The following NPAP1 variants were observed in gnomAD, a reference collection of about 807,000 sequenced individuals.
NPAP1 encodes the protein nuclear pore-associated protein 1.
For synonymous variants in NPAP1, 616 were observed against 581.4 expected, an observed-to-expected ratio of 1.06 and a Z score of -0.86; for missense variants, 1,483 against 1,454.5, an observed-to-expected ratio of 1.02 and a Z score of -0.32.
chr15:24,677,917 A>C lies in NPAP1; in HGVS notation c.2050A>C (p.Ser684Arg). The change falls in exon 1 of 1, where the codon AGT (serine) becomes CGT (arginine). Residue 684 changes from serine to arginine, a missense_variant. By Grantham distance (110) the Ser-to-Arg change is moderately radical. Coordinates refer to ENST00000329468, the MANE Select transcript of NPAP1 (RefSeq NM_018958.3). ...TCCAGACACCTCCACTTTAGTGAAC[A>C]GTGCCTCTACAGCATCATCATCCAA... ...PPPDTSTLVN[S>R]ASTASSSKPP... The C allele has an allele frequency of 6.2e-7, 1 of 1,613,364 alleles. No individual in the cohort carries two copies. The highest frequency in any genetic ancestry group is 8.5e-7 in the Non-Finnish European group (1 of 1,179,890).
Position 24,677,951 on chromosome 15 carries a change from T to A in NPAP1, c.2084T>A (p.Ile695Asn), listed in dbSNP as rs750616717. ...ACAGCATCATCATCCAAACCTCCCA[T>A]TGAAACCAATGCTATGCATACCACT... Reference protein sequence around the residue: ...ASTASSSKPPIETNAMHTTPP... With the variant: ...ASTASSSKPPNETNAMHTTPP... Residue 695 changes from isoleucine to asparagine, a missense_variant, in exon 1 of 1, where the codon ATT becomes AAT. Transcript: ENST00000329468. The A allele has an allele frequency of 6.2e-7, 1 of 1,613,478 alleles. No individual in the cohort carries two copies. Among genetic ancestry groups the A allele is most frequent in the South Asian group, 1.1e-5 (1 of 91,034 alleles).
rs746621095 is a variant in NPAP1, at chr15:24,675,898, G to C, written c.31G>C (p.Gly11Arg). The change falls in exon 1 of 1, where the codon GGG becomes CGG. Residue 11 changes from glycine to arginine, a missense_variant. Physicochemically the swap from Gly to Arg is moderately radical, Grantham distance 125 (BLOSUM62 -2). Coordinates refer to ENST00000329468, the MANE Select transcript of NPAP1 (RefSeq NM_018958.3). ...CAATTTACTTAGTAAATTTAGACCCGGGTGCCGCCGCCGGCCCCTGCCAGG... is the reference window on the plus strand; with the variant it reads ...CAATTTACTTAGTAAATTTAGACCCCGGTGCCGCCGCCGGCCCCTGCCAGG... Reference protein sequence around the residue: MGNLLSKFRPGCRRRPLPGPG... With the variant: MGNLLSKFRPRCRRRPLPGPG... 5.7e-6 allele frequency: 9 copies of C among 1,577,380 alleles called. No homozygotes were observed. Among genetic ancestry groups the C allele is most frequent in the Non-Finnish European group, 7.7e-6 (9 of 1,165,330 alleles).
rs547726384 is a variant in NPAP1 at position 24,676,181 on chromosome 15, C to G, written c.314C>G (p.Pro105Arg). 1.3e-6 allele frequency: 2 copies of G among 1,571,972 alleles called. No individual in the cohort carries two copies. Among genetic ancestry groups the G allele is most frequent in the South Asian group, 2.4e-5 (2 of 83,918 alleles). Reference sequence around the variant, plus strand: ...ACACCCATGCTGCCTGCTCGGAACCCCCCGAGGTTTGGACACCCCAGTTCC... The same window carrying G: ...ACACCCATGCTGCCTGCTCGGAACCGCCCGAGGTTTGGACACCCCAGTTCC... ...RKTPMLPARN[P>R]PRFGHPSSVR... is the part of the protein sequence containing the mutation. The change falls in exon 1 of 1, where the codon CCC (proline) becomes CGC (arginine). Residue 105 changes from proline to arginine, a missense_variant. Coordinates refer to ENST00000329468, the MANE Select transcript of NPAP1 (RefSeq NM_018958.3).
In NPAP1 at chr15:24,676,120, C is replaced by A. The variant is rs2141307309; in HGVS notation, c.253C>A (p.Leu85Met). The part of the protein sequence containing the change: ...PRAAAAPLGV[L>M]PAVGWGLAIR... Reference sequence around the variant, plus strand: ...GGCTGCGGCCGCCCCTCTGGGGGTCCTGCCGGCTGTGGGTTGGGGGCTGGC... The same window carrying A: ...GGCTGCGGCCGCCCCTCTGGGGGTCATGCCGGCTGTGGGTTGGGGGCTGGC... The change falls in exon 1 of 1, where the codon CTG (leucine) becomes ATG (methionine). Residue 85 changes from leucine (L) to methionine (M), a missense_variant. Transcript: ENST00000329468. The A allele has an allele frequency of 6.4e-7, 1 of 1,567,382 alleles. No individual in the cohort carries two copies.
the NPAP1 span, chr15:24,676,046 C>G: frequency 1.3e-6 from 2 of 1,591,124 alleles, no homozygotes; most frequent in Non-Finnish European, 1.7e-6. Context: ...CGCAGGCCTT[C>G]AGCAGCCAGC....
chr15:24,676,861 A>C lies in NPAP1; in HGVS notation c.994A>C (p.Ile332Leu), dbSNP rs2141308976. The change falls in exon 1 of 1, where the codon ATT becomes CTT. Residue 332 changes from isoleucine to leucine, a missense_variant. Ile to Leu is a conservative substitution (Grantham distance 5, BLOSUM62 2). Coordinates refer to ENST00000329468, the MANE Select transcript of NPAP1 (RefSeq NM_018958.3). ...RNRPCKRKMS[I>L]PLLLPLPPSL... is the part of the protein sequence containing the mutation. ...CAGGCCCTGCAAAAGGAAAATGTCGATTCCATTGCTGCTGCCGCTGCCCCC... is the reference window on the plus strand; with the variant it reads ...CAGGCCCTGCAAAAGGAAAATGTCGCTTCCATTGCTGCTGCCGCTGCCCCC... 1 of 1,613,252 alleles carries C rather than the reference A, an allele frequency of 6.2e-7. No homozygotes were observed. Among genetic ancestry groups the C allele is most frequent in the Non-Finnish European group, 8.5e-7 (1 of 1,180,006 alleles).
Position 24,677,754 on chromosome 15 carries a change from C to T in NPAP1, c.1887C>T (p.His629=), listed in dbSNP as rs774161776. Residue 629 remains histidine, a synonymous_variant, in exon 1 of 1, where the codon CAC becomes CAT. Coordinates refer to ENST00000329468, the MANE Select transcript of NPAP1 (RefSeq NM_018958.3). ...VYTSPLPFIF[H]NTTPSFNQLF... ...CATCCCCACTTCCATTTATATTCCA[C>T]AATACCACCCCAAGTTTTAACCAAC... 8 of 1,614,158 alleles carry T rather than the reference C, an allele frequency of 5.0e-6. No individual in the cohort carries two copies. The South Asian group carries it at 8.8e-5, about 18-fold the overall frequency.
Position 24,678,673 on chromosome 15 carries a change from C to G in NPAP1, c.2806C>G (p.Leu936Val), listed in dbSNP as rs1157880303. The change falls in exon 1 of 1, where the codon CTG (leucine) becomes GTG (valine). Residue 936 changes from leucine (L) to valine (V), a missense_variant. By Grantham distance (32) the Leu-to-Val change is conservative (BLOSUM62 1). Coordinates refer to ENST00000329468, the MANE Select transcript of NPAP1 (RefSeq NM_018958.3). ...IGLTSPSVQP[L>V]SGSIIPPGFA... ...CTTAACATCTCCTTCAGTCCAGCCACTGAGTGGCAGCATAATTCCACCAGG... is the reference window on the plus strand; with the variant it reads ...CTTAACATCTCCTTCAGTCCAGCCAGTGAGTGGCAGCATAATTCCACCAGG... The G allele has an allele frequency of 6.2e-7, 1 of 1,614,184 alleles. No homozygotes were observed. Among genetic ancestry groups the G allele is most frequent in the Non-Finnish European group, 8.5e-7 (1 of 1,180,042 alleles).
Position 24,677,721 on chromosome 15 carries a change from A to C in NPAP1, c.1854A>C (p.Ser618=). The C allele has an allele frequency of 6.2e-7, 1 of 1,614,176 alleles. No individual in the cohort carries two copies. Among genetic ancestry groups the C allele is most frequent in the South Asian group, 1.1e-5 (1 of 91,076 alleles). ...SAEQRHPGKT[S]VYTSPLPFIF... ...AGCAGAGGCACCCGGGAAAGACATCAGTCTACACATCCCCACTTCCATTTA... is the reference window on the plus strand; with the variant it reads ...AGCAGAGGCACCCGGGAAAGACATCCGTCTACACATCCCCACTTCCATTTA... Residue 618 remains serine (S), a synonymous_variant, in exon 1 of 1, where the codon TCA becomes TCC. Transcript: ENST00000329468.
At position 24,681,363 on chromosome 15, in the gene NPAP1, G is replaced by A. The variant is rs558716223; in HGVS notation, c.*2025G>A. The A allele has an allele frequency of 1.9e-5, 3 of 161,852 alleles. No individual in the cohort carries two copies. The highest frequency in any genetic ancestry group is 6.7e-5 in the Admixed American group (1 of 15,028). The allele number at this position is 161,852 out of a possible 1,614,324, so 10.0% of individuals were successfully genotyped here. A position where few individuals can be genotyped will look rare whatever the true frequency, so the allele number is the denominator to read the frequency against. ...GTTATATACATAGGGATGGATAGAC[G>A]GATGGATAGATTAGATGATAGATAG... On this transcript the variant is annotated 3_prime_UTR_variant, in exon 1 of 1. Coordinates refer to ENST00000329468, the MANE Select transcript of NPAP1 (RefSeq NM_018958.3).
rs2141312411 is a variant in NPAP1 at position 24,678,337 on chromosome 15, G to A, written c.2470G>A (p.Asp824Asn). Residue 824 changes from aspartate (D) to asparagine (N), a missense_variant, in exon 1 of 1, where the codon GAC becomes AAC. Transcript: ENST00000329468. ...SLSKPAIDTS[D>N]MNTTPPSKTV... is the part of the protein sequence containing the mutation. ...ATCCAAGCCTGCCATTGACACCAGT[G>A]ACATGAATACCACCCCTCCTTCCAA... 1.2e-6 allele frequency: 2 copies of A among 1,613,926 alleles called. No homozygotes were observed. The highest frequency in any genetic ancestry group is 1.7e-6 in the Non-Finnish European group (2 of 1,180,014).
Position 24,675,974 on chromosome 15 carries a change from G to T in NPAP1, c.107G>T (p.Gly36Val). Reference protein sequence around the residue: ...APLSRDASPPGRAHSVPTPRP... With the variant: ...APLSRDASPPVRAHSVPTPRP... ...CTGTCCCGGGACGCCTCCCCGCCCGGTCGGGCTCACTCTGTACCCACCCCG... is the reference window on the plus strand; with the variant it reads ...CTGTCCCGGGACGCCTCCCCGCCCGTTCGGGCTCACTCTGTACCCACCCCG... Residue 36 changes from glycine (G) to valine (V), a missense_variant, in exon 1 of 1, where the codon GGT (glycine) becomes GTT (valine). Coordinates refer to ENST00000329468, the MANE Select transcript of NPAP1 (RefSeq NM_018958.3). The T allele has an allele frequency of 6.3e-7, 1 of 1,595,554 alleles. No individual in the cohort carries two copies. Among genetic ancestry groups the T allele is most frequent in the Middle Eastern group, 1.8e-4 (1 of 5,660 alleles).
Position 24,677,254 on chromosome 15 carries a change from C to T in NPAP1, c.1387C>T (p.Leu463=), listed in dbSNP as rs771335179. 2 of 1,614,150 alleles carry T rather than the reference C, an allele frequency of 1.2e-6. No individual in the cohort carries two copies. Among genetic ancestry groups the T allele is most frequent in the East Asian group, 2.2e-5 (1 of 44,866 alleles). The change falls in exon 1 of 1, where the codon CTG becomes TTG. Residue 463 remains leucine (L), a synonymous_variant. Coordinates refer to ENST00000329468, the MANE Select transcript of NPAP1 (RefSeq NM_018958.3). ...KIAFTIPNSP[L]ALPADLVPIL... is the part of the protein sequence containing the mutation. The stretch of plus-strand genomic sequence containing the variant: ...AGCATTCACAATCCCTAACTCTCCT[C>T]TGGCTCTTCCTGCTGACCTTGTTCC...
rs751424715 is a variant in NPAP1 at position 24,676,005 on chromosome 15, T to A, written c.138T>A (p.Pro46=). 1 of 1,600,012 alleles carries A rather than the reference T, an allele frequency of 6.2e-7. No homozygotes were observed. Among genetic ancestry groups the A allele is most frequent in the Non-Finnish European group, 8.5e-7 (1 of 1,174,520 alleles). ...GRAHSVPTPR[P]FRGLFRRNAR... ...CTCACTCTGTACCCACCCCGCGCCC[T>A]TTCCGCGGCCTGTTCCGCCGGAACG... The change falls in exon 1 of 1, where the codon CCT becomes CCA. Residue 46 remains proline (P), a synonymous_variant. Coordinates refer to ENST00000329468, the MANE Select transcript of NPAP1 (RefSeq NM_018958.3).
rs373705457 is a variant in NPAP1, at chr15:24,679,127, A to G, written c.3260A>G (p.Tyr1087Cys). 6.2e-6 allele frequency: 10 copies of G among 1,614,094 alleles called. No homozygotes were observed. The African/African-American group carries it at 1.2e-4, about 19-fold the overall frequency. Residue 1087 changes from tyrosine to cysteine, a missense_variant, in exon 1 of 1, where the codon TAC (tyrosine) becomes TGC (cysteine). By Grantham distance (194) the Tyr-to-Cys change is radical. Coordinates refer to ENST00000329468, the MANE Select transcript of NPAP1 (RefSeq NM_018958.3). ...TTTGGATATACTTCTGCTGCCGCCT[A>G]CATTCCTGGTTTAGACCCACCTACC... ...PVFGYTSAAA[Y>C]IPGLDPPTQN...
rs1002563918 is a variant in NPAP1 at position 24,683,219 on chromosome 15, G to C, written c.*3881G>C. The C allele has an allele frequency of 5.8e-6, 1 of 172,272 alleles. No individual in the cohort carries two copies. Among genetic ancestry groups the C allele is most frequent in the Admixed American group, 6.5e-5 (1 of 15,494 alleles). 10.7% of individuals were successfully genotyped at this position (172,272 alleles called of 1,614,324 possible). On this transcript the variant is annotated 3_prime_UTR_variant, in exon 1 of 1. Coordinates refer to ENST00000329468, the MANE Select transcript of NPAP1 (RefSeq NM_018958.3). ...AAAAGTTCTAAATTGCTAGCCAATC[G>C]GGACAAATACAGAATGTGAGGTCCT... is the stretch of plus-strand genomic sequence containing the variant.
chr15:24,676,625 G>A lies in NPAP1; in HGVS notation c.758G>A (p.Gly253Glu), dbSNP rs2141308416. The change falls in exon 1 of 1, where the codon GGA (glycine) becomes GAA (glutamate). Residue 253 changes from glycine to glutamate, a missense_variant. Physicochemically the swap from Gly to Glu is moderately conservative, Grantham distance 98. Transcript: ENST00000329468. ...HSQAGCARHLGKPDPDATAPP... is the reference protein window; with the variant it reads ...HSQAGCARHLEKPDPDATAPP... ...CAGGCCGGATGTGCCCGGCATCTTG[G>A]AAAGCCTGATCCGGATGCAACAGCG... 1 of 1,613,870 alleles carries A rather than the reference G, an allele frequency of 6.2e-7. No individual in the cohort carries two copies. The highest frequency in any genetic ancestry group is 1.7e-5 in the Admixed American group (1 of 60,026).
In NPAP1 at chr15:24,676,404, C is replaced by G. The variant is rs1566755440; in HGVS notation, c.537C>G (p.Pro179=). The change falls in exon 1 of 1, where the codon CCC becomes CCG. Residue 179 remains proline (P), a synonymous_variant. Transcript: ENST00000329468. ...IEGEDDEKRT[P]LSSGEASSTS... is the part of the protein sequence containing the mutation. The stretch of plus-strand genomic sequence containing the variant: ...GGGAGGATGACGAGAAAAGGACCCC[C>G]CTTAGCAGCGGAGAAGCATCGTCCA... 1.3e-6 allele frequency: 2 copies of G among 1,596,578 alleles called. No homozygotes were observed. Among genetic ancestry groups the G allele is most frequent in the Non-Finnish European group, 1.7e-6 (2 of 1,172,496 alleles).
At position 24,676,055 on chromosome 15, in the gene NPAP1, G is replaced by T; in HGVS notation, c.188G>T (p.Ser63Ile). ...GCCCGTCGCAGGCCTTCAGCAGCCA[G>T]CATCTTCGTCGCCCCTAAGAGGCCG... ...RNARRRPSAA[S>I]IFVAPKRPCP... Residue 63 changes from serine to isoleucine, a missense_variant, in exon 1 of 1, where the codon AGC becomes ATC. Transcript: ENST00000329468. 1 of 1,584,516 alleles carries T rather than the reference G, an allele frequency of 6.3e-7. No homozygotes were observed.
Sources: allele counts gnomAD v4.1 joint callset, GRCh38; gene constraint gnomAD v4.1.1; transcripts MANE v1.5; gene names NCBI Gene and HGNC (gene_info 2026-07-23, HGNC 2026-07-21).